The following GPC5 variants were observed in gnomAD, a reference collection of about 807,000 sequenced individuals.
GPC5 encodes glypican-5.
Under a neutral mutation model 53.9 loss-of-function variants are expected in GPC5, and 47 were observed. The ratio of observed to expected loss-of-function variants is 0.87; its 90% CI spans 0.69 to 1.11. GPC5 has a LOEUF of 1.11. Among genes scored for constraint, GPC5 ranks in the 50% most tolerant of loss-of-function variants. The pLI is 0.00. For synonymous variants in GPC5, 286 were observed against 263.3 expected, an observed-to-expected ratio of 1.09 and a Z score of -0.84; for missense variants, 748 against 713.1, an observed-to-expected ratio of 1.05 and a Z score of -0.56.
intron 6 of GPC5, among the ~76,000 whole-genome samples, chr13:92,091,163 A>G (rs1383493478): frequency 6.6e-6 from 1 of 152,220 alleles, no homozygotes; most frequent in South Asian, 2.1e-4. Flanking sequence ...CAATATAAAA[A>G]TTTTAACAAG....
chr13:91,570,447 A>C (rs375465327), intron 2 of GPC5, among the ~76,000 whole-genome samples: 67 of 152,290 alleles, frequency 4.4e-4, no homozygotes, highest in African/African-American at 1.6e-3. Flanking sequence ...TTCCCAAAGC[A>C]CTTGTGTTCC....
chr13:91,818,720 C>G (rs184454468), intron 5 of GPC5, among the ~76,000 whole-genome samples: 2 of 152,148 alleles, frequency 1.3e-5, no homozygotes, highest in Non-Finnish European at 2.9e-5. Context: ...AGTCCCAGCC[C>G]TTGAGGGTCA....
chr13:92,467,119 C>G (rs1164813980), intron 7 of GPC5, among the ~76,000 whole-genome samples: 1 of 152,108 alleles, frequency 6.6e-6, no homozygotes, highest in African/African-American at 2.4e-5. Flanking sequence ...TGTGAGCAAG[C>G]CTTTCTCAAA....
At chr13:92,782,740 T>C (rs1236009994) in intron 7 of GPC5, among the ~76,000 whole-genome samples, 1 of 152,196 alleles carries the variant, frequency 6.6e-6, no homozygotes, top group Non-Finnish European at 1.5e-5. Context: ...ATATAAAGCA[T>C]CTCTGAGCTT....
chr13:91,471,626 T>G (rs1285113300), intron 2 of GPC5, among the ~76,000 whole-genome samples: 4 of 152,198 alleles, frequency 2.6e-5, no homozygotes, highest in African/African-American at 9.7e-5. Flanking sequence ...TCATTCTATT[T>G]GAAGCTTGAT....
At position 92,495,796 on chromosome 13, in the gene GPC5, ATCTG is replaced by A. The variant is rs1879956347; in HGVS notation, c.1561+350808_1561+350811del. On this transcript the variant is annotated intron_variant, in intron 7 of 7. Transcript: ENST00000377067. ...AAAAGTGTCTTCACATTATTCATGA[ATCTG>A]CAGTTGAAAGTCTATTTTTCAACCT... Among the ~76,000 whole-genome samples the A allele has an allele frequency of 2.0e-5, 3 of 152,132 alleles. No individual in the cohort carries two copies. The South Asian group carries it at 6.2e-4, about 32-fold the overall frequency.
chr13:92,211,297 C>CA (rs2042373765), intron 7 of GPC5, among the ~76,000 whole-genome samples: 1 of 152,174 alleles, frequency 6.6e-6, no homozygotes, highest in African/African-American at 2.4e-5. Flanking sequence ...TTCTAAAAGT[C>CA]AGTTTTATTA....
At chr13:92,285,976 T>A (rs1594068741) in intron 7 of GPC5, among the ~76,000 whole-genome samples, 1 of 150,006 alleles carries the variant, frequency 6.7e-6, no homozygotes, top group Non-Finnish European at 1.5e-5. Context: ...TGGGAGAAAA[T>A]TTTTGCTATC....
At chr13:91,661,324 C>A (rs2034982381) in intron 2 of GPC5, among the ~76,000 whole-genome samples, 1 of 152,122 alleles carries the variant, frequency 6.6e-6, no homozygotes, top group Admixed American at 6.5e-5. Context: ...TTTGAAAAAG[C>A]CAGATGTTCG....
intron 7 of GPC5, among the ~76,000 whole-genome samples, chr13:92,645,745 T>C (rs1885747286): frequency 6.6e-6 from 1 of 152,156 alleles, no homozygotes; most frequent in Non-Finnish European, 1.5e-5. Context: ...TGATATTTCC[T>C]TGTGGTTTTA....
At chr13:91,543,239 C>T (rs1296165589) in intron 2 of GPC5, among the ~76,000 whole-genome samples, 1 of 152,038 alleles carries the variant, frequency 6.6e-6, no homozygotes, top group Admixed American at 6.6e-5. Flanking sequence ...GTGATCCATG[C>T]GCCTTGGCCT....
chr13:92,284,606 T>A (rs554549126), intron 7 of GPC5, among the ~76,000 whole-genome samples: 1 of 152,126 alleles, frequency 6.6e-6, no homozygotes, highest in East Asian at 1.9e-4. Flanking sequence ...TCAATAAACA[T>A]AAACCAGCAT....
intron 5 of GPC5, among the ~76,000 whole-genome samples, chr13:91,806,138 C>T (rs1321531747): frequency 3.5e-5 from 5 of 142,620 alleles, no homozygotes; most frequent in African/African-American, 7.9e-5. Context: ...CGGATTCAAG[C>T]GGTTCTCATA....
intron 7 of GPC5, among the ~76,000 whole-genome samples, chr13:92,165,362 T>C (rs1405698405): frequency 6.6e-6 from 1 of 152,214 alleles, no homozygotes; most frequent in Non-Finnish European, 1.5e-5. Flanking sequence ...ATTTATTGTA[T>C]TAGTTTGTTT....
In GPC5 at chr13:91,398,669, G is replaced by GGCGGCGGCGGCGGCA. The variant is rs1566361430; in HGVS notation, c.-370_-369insGGCGGCAGCGGCGGC. The GGCGGCGGCGGCGGCA allele has an allele frequency of 1.1e-5, 1 of 91,430 alleles. No homozygotes were observed. Among genetic ancestry groups the GGCGGCGGCGGCGGCA allele is most frequent in the African/African-American group, 3.7e-5 (1 of 27,380 alleles). 5.7% of individuals were successfully genotyped at this position (91,430 alleles called of 1,614,324 possible). ...CGAGCCGGGCGGCGGAGGCGGCGGCGGCGGCGGCAGTGGCGGCAGTGGCGG... is the reference window on the plus strand; with the variant it reads ...CGAGCCGGGCGGCGGAGGCGGCGGCGGCGGCGGCGGCGGCAGCGGCGGCAGTGGCGGCAGTGGCGG... On this transcript the variant is annotated 5_prime_UTR_variant, in exon 1 of 8. Coordinates refer to ENST00000377067, the MANE Select transcript of GPC5 (RefSeq NM_004466.6).
chr13:92,021,020 A>G (rs530310917), intron 6 of GPC5, among the ~76,000 whole-genome samples: 3 of 152,116 alleles, frequency 2.0e-5, no homozygotes, highest in African/African-American at 7.2e-5. Flanking sequence ...ATAAGGGTCT[A>G]ATTTCATTCT....
At chr13:92,515,068 A>G (rs371498636) in intron 7 of GPC5, among the ~76,000 whole-genome samples, 3 of 152,230 alleles carry the variant, frequency 2.0e-5, no homozygotes, top group East Asian at 3.9e-4. Context: ...AGTATGCAAT[A>G]TAAGCTCAAA....
intron 7 of GPC5, among the ~76,000 whole-genome samples, chr13:92,231,911 A>G (rs2042533292): frequency 6.6e-6 from 1 of 152,202 alleles, no homozygotes. Flanking sequence ...GGTTGCAGTG[A>G]GCCGAGATCG....
chr13:92,381,847 GATCATATATGAT>G (rs2043742843), intron 7 of GPC5, among the ~76,000 whole-genome samples: 2 of 119,582 alleles, frequency 1.7e-5, no homozygotes, highest in Non-Finnish European at 3.5e-5. Flanking sequence ...TATTGTATAT[GATCATATATGAT>G]TATATATATC....
Sources: gnomAD v4.1 joint callset for allele counts (sites outside exome capture counted in the v4.1 genomes callset) on GRCh38, gnomAD v4.1.1 for gene constraint, MANE v1.5 for transcripts, NCBI Gene and HGNC (gene_info 2026-07-23, HGNC 2026-07-21) for gene names.